BCO2: variants seen among roughly 807,000 people sequenced by gnomAD.
The protein encoded by BCO2 is carotenoid-cleaving dioxygenase, mitochondrial.
Under a neutral mutation model 65.8 loss-of-function variants are expected in BCO2, and 56 were observed. The ratio of observed to expected loss-of-function variants is 0.85; its 90% CI spans 0.69 to 1.06. BCO2 has a LOEUF of 1.06. Ranked by LOEUF, BCO2 falls within the 50% of genes least tolerant of loss-of-function variation. The pLI is 0.00. For missense variants in BCO2, 675 were observed against 698.5 expected (o/e 0.97, Z 0.38); for synonymous variants, 233 against 242.3 (o/e 0.96, Z 0.36).
chr11:112,180,878 G>A (rs1653703306), intron 2 of BCO2: 17 of 1,083,800 alleles, frequency 1.6e-5, no homozygotes, highest in Non-Finnish European at 1.9e-5. Flanking sequence ...CAGTAAACTC[G>A]GCATAAAAGC....
At chr11:112,212,038 C>T (rs137983443) in intron 8 of BCO2, among the ~76,000 whole-genome samples, 101 of 103,126 alleles carry the variant, frequency 9.8e-4, no homozygotes, top group African/African-American at 3.6e-3. Context: ...GCCATGGTGA[C>T]CTTTTATAAA....
chr11:112,189,408 T>C (rs1446518898), intron 2 of BCO2, among the ~76,000 whole-genome samples: 2 of 150,098 alleles, frequency 1.3e-5, no homozygotes, highest in African/African-American at 4.9e-5. Flanking sequence ...AAGGAAATTT[T>C]TTTTTTTTTT....
At chr11:112,201,345 T>C (rs944062704) in intron 7 of BCO2, among the ~76,000 whole-genome samples, 2 of 152,044 alleles carry the variant, frequency 1.3e-5, no homozygotes, top group African/African-American at 4.8e-5. Flanking sequence ...AGACAGGGTT[T>C]CACCATATTG....
chr11:112,192,525 G>A (rs1867420456), intron 2 of BCO2, among the ~76,000 whole-genome samples: 1 of 151,986 alleles, frequency 6.6e-6, no homozygotes, highest in African/African-American at 2.4e-5. Flanking sequence ...GGACAAAAAT[G>A]ATTATCTAGG....
intron 2 of BCO2, among the ~76,000 whole-genome samples, chr11:112,185,737 A>T (rs970403969): frequency 3.8e-4 from 58 of 152,338 alleles, no homozygotes. Context: ...AATTCCAGGA[A>T]TTATTGTTTT....
chr11:112,215,513 A>C (rs1859644793), intron 10 of BCO2: 1 of 155,602 alleles, frequency 6.4e-6, no homozygotes, highest in South Asian at 2.0e-4. Context: ...AATCAAGACC[A>C]TCCTGGCCAA....
At chr11:112,188,740 C>A (rs1867281858) in intron 2 of BCO2, among the ~76,000 whole-genome samples, 1 of 144,734 alleles carries the variant, frequency 6.9e-6, no homozygotes, top group Non-Finnish European at 1.5e-5. Flanking sequence ...CCTATTGCTC[C>A]TTCTCTGCAT....
rs202172820 is a variant in BCO2, at chr11:112,199,720, G to A, written c.758G>A (p.Arg253Gln). The change falls in exon 6 of 12, where the codon CGG becomes CAG. Residue 253 changes from arginine (R) to glutamine (Q), a missense_variant. Coordinates refer to ENST00000357685, the MANE Select transcript of BCO2 (RefSeq NM_031938.7). ...GPYGFSYKVIRVPPEKVDLGE... is the reference protein window; with the variant it reads ...GPYGFSYKVIQVPPEKVDLGE... The stretch of plus-strand genomic sequence containing the variant: ...TCAGGTTTCTCCTATAAGGTTATTC[G>A]GGTTCCTCCAGAGAAGGTGGACCTT... The A allele has an allele frequency of 1.9e-5, 30 of 1,613,516 alleles. No homozygotes were observed. Among genetic ancestry groups the A allele is most frequent in the African/African-American group, 4.0e-5 (3 of 75,010 alleles).
At chr11:112,217,228 C>A (rs1282365242) in intron 11 of BCO2, among the ~76,000 whole-genome samples, 1 of 152,178 alleles carries the variant, frequency 6.6e-6, no homozygotes, top group African/African-American at 2.4e-5. Flanking sequence ...ACTTCTTTAG[C>A]CATGATATCC....
chr11:112,181,782 C>T lies in BCO2; in HGVS notation c.293+2300C>T, dbSNP rs994564066. ...TGCCGATCTTTCTTGTTTGGACCTT[C>T]GATACATTCACTTCAAAATGGCCAG... On this transcript the variant is annotated intron_variant, in intron 2 of 11. Coordinates refer to ENST00000357685, the MANE Select transcript of BCO2 (RefSeq NM_031938.7). 23 of 836,420 alleles carry T rather than the reference C, an allele frequency of 2.7e-5. No homozygotes were observed. The East Asian group carries it at 2.9e-4, about 11-fold the overall frequency. The allele number at this position is 836,420 out of a possible 1,614,324, so 51.8% of individuals were successfully genotyped here. A position where few individuals can be genotyped will look rare whatever the true frequency, so the allele number is the denominator to read the frequency against.
At chr11:112,210,331 A>G (rs1859469176) in intron 8 of BCO2, among the ~76,000 whole-genome samples, 1 of 152,206 alleles carries the variant, frequency 6.6e-6, no homozygotes, top group Non-Finnish European at 1.5e-5. Context: ...TCATTTGCAG[A>G]ATATTGTGTT....
intron 2 of BCO2, chr11:112,181,696 G>T: frequency 1.0e-6 from 1 of 979,194 alleles, no homozygotes; most frequent in Non-Finnish European, 1.7e-6. Flanking sequence ...GAATTTGTCC[G>T]ATTTTTACTA....
chr11:112,217,029 C>T (rs1318737603), intron 11 of BCO2, among the ~76,000 whole-genome samples: 3 of 152,236 alleles, frequency 2.0e-5, no homozygotes, highest in Non-Finnish European at 4.4e-5. Context: ...TTTGGCAGAT[C>T]TCAATCTGCC....
At position 112,218,098 on chromosome 11, in the gene BCO2, T is replaced by G. The variant is rs1859739390; in HGVS notation, c.*224T>G. On this transcript the variant is annotated 3_prime_UTR_variant, in exon 12 of 12. Transcript: ENST00000357685. ...TATACTCATGTAACAAGCCTGCACA[T>G]GTACCCCAGAATCTAAAATAAAAAT... 4.9e-6 allele frequency: 2 copies of G among 410,500 alleles called. No homozygotes were observed. Among genetic ancestry groups the G allele is most frequent in the East Asian group, 3.7e-5 (1 of 26,818 alleles). The allele number at this position is 410,500 out of a possible 1,614,324, so 25.4% of individuals were successfully genotyped here. A position where few individuals can be genotyped will look rare whatever the true frequency, so the allele number is the denominator to read the frequency against.
intron 3 of BCO2, 41 bp downstream of exon 3, chr11:112,193,738 A>G (rs758203821): frequency 5.1e-6 from 8 of 1,574,948 alleles, no homozygotes; most frequent in African/African-American, 1.4e-5. Flanking sequence ...ATATATAACC[A>G]TCTATACAAA....
At chr11:112,205,970 A>AATTT (rs1867855166) in intron 8 of BCO2, among the ~76,000 whole-genome samples, 1 of 152,036 alleles carries the variant, frequency 6.6e-6, no homozygotes, top group African/African-American at 2.4e-5. Context: ...TTAATTAATT[A>AATTT]ATTTATTTTT....
rs374693246 is a variant in BCO2 at position 112,179,352 on chromosome 11, G to A, written c.163G>A (p.Ala55Thr). 2.5e-6 allele frequency: 4 copies of A among 1,614,166 alleles called. No individual in the cohort carries two copies. The highest frequency in any genetic ancestry group is 3.4e-6 in the Non-Finnish European group (4 of 1,180,024). ...GCAGTGTCGGGGTCTGCCATGTGTT[G>A]CACCGCTGCTGACCACAGTGGAAGA... ...FGQCRGLPCV[A>T]PLLTTVEEAP... The change falls in exon 2 of 12, where the codon GCA becomes ACA. Residue 55 changes from alanine (A) to threonine (T), a missense_variant. By Grantham distance (58) the Ala-to-Thr change is moderately conservative. Transcript: ENST00000357685.
At chr11:112,194,077 C>A in intron 4 of BCO2, 83 bp downstream of exon 4, 1 of 817,568 alleles carries the variant, frequency 1.2e-6, no homozygotes, top group Non-Finnish European at 2.0e-6. Flanking sequence ...TAGTATATAT[C>A]AAGAAGAAAT....
intron 2 of BCO2, chr11:112,179,766 C>T (rs1422698019): frequency 2.5e-6 from 1 of 403,504 alleles, no homozygotes; most frequent in Non-Finnish European, 4.6e-6. Flanking sequence ...TGTTTCCCCA[C>T]AAGTTCCTGA....
Sources: allele counts gnomAD v4.1 joint callset (sites outside exome capture counted in the v4.1 genomes callset), GRCh38; gene constraint gnomAD v4.1.1; transcripts MANE v1.5; gene names NCBI Gene and HGNC (gene_info 2026-07-23, HGNC 2026-07-21).